ABR: variants seen among roughly 807,000 people sequenced by gnomAD.
The protein encoded by ABR is ABR activator of RhoGEF and GTPase.
ABR carries 35 observed loss-of-function variants against 107.2 expected under a neutral mutation model. The observed-to-expected ratio is 0.33, with a 90% CI of 0.25 to 0.43. The LOEUF is 0.43. Among genes scored for constraint, ABR ranks in the 20% least tolerant of loss-of-function variants. The pLI is 1.00. For synonymous variants in ABR, 498 were observed against 462.0 expected, an observed-to-expected ratio of 1.08 and a Z score of -1.00; for missense variants, 815 against 1,115.2, an observed-to-expected ratio of 0.73 and a Z score of 3.83.
At chr17:1,096,159 A>G (rs2037408184) in intron 3 of ABR, among the ~76,000 whole-genome samples, 1 of 152,162 alleles carries the variant, frequency 6.6e-6, no homozygotes, top group African/African-American at 2.4e-5. Context: ...ATCAGAGCCC[A>G]CCAGGAAGCA....
In ABR at chr17:1,010,790, G is replaced by A. The variant is rs370232881; in HGVS notation, c.2175C>T (p.Phe725=). The A allele has an allele frequency of 5.6e-6, 9 of 1,613,856 alleles. No individual in the cohort carries two copies. The highest frequency in any genetic ancestry group is 7.6e-6 in the Non-Finnish European group (9 of 1,180,016). The change falls in exon 20 of 23, where the codon TTC becomes TTT. Residue 725 remains phenylalanine (F), a synonymous_variant. Coordinates refer to ENST00000302538, the MANE Select transcript of ABR (RefSeq NM_021962.5). The surrounding 1 kb of genome is among the most constrained non-coding windows in gnomAD (Gnocchi z 4.1). The part of the protein sequence containing the change: ...NAIAGTLKLY[F]RELPEPLLTD... ...TGAGGAGCGGCTCGGGCAGTTCCCG[G>A]AAGTACAGCTTGAGCGTCCCGGCGA...
At chr17:1,030,305 G>A (rs1396612077) in intron 16 of ABR, among the ~76,000 whole-genome samples, 3 of 152,236 alleles carry the variant, frequency 2.0e-5, no homozygotes, top group South Asian at 2.1e-4. Flanking sequence ...TTTGGCTGGC[G>A]CTGGACCCGG....
Position 1,197,986 on chromosome 17 carries a change from C to T in ABR, c.838+30807G>A, listed in dbSNP as rs537788177. Among the ~76,000 whole-genome samples the T allele has an allele frequency of 7.2e-5, 11 of 151,852 alleles. 1 individual carries two copies. The highest frequency in any genetic ancestry group is 2.4e-4 in the African/African-American group (10 of 41,130). ...CAGGAACACTGCCGCTGCTGCTGCG[C>T]CCGGCTGGCCGCAGCCCCACGCTGT... On this transcript the variant is annotated intron_variant, in intron 1 of 22. Transcript: ENST00000574139.
chr17:1,070,224 G>A lies in ABR; in HGVS notation c.895-134C>T. On this transcript the variant is annotated intron_variant, in intron 8 of 22. Coordinates refer to ENST00000302538, the MANE Select transcript of ABR (RefSeq NM_021962.5). The surrounding 1 kb of genome is among the most constrained non-coding windows in gnomAD (Gnocchi z 4.2). ...ATAGCCTGTCATCCCTTAACCAAAG[G>A]TGGTTCAAGCACTGCCTTTGGAGTC... is the stretch of plus-strand genomic sequence containing the variant. 1 of 1,246,744 alleles carries A rather than the reference G, an allele frequency of 8.0e-7. No individual in the cohort carries two copies. Among genetic ancestry groups the A allele is most frequent in the Non-Finnish European group, 1.1e-6 (1 of 901,750 alleles). 77.2% of individuals were successfully genotyped at this position (1,246,744 alleles called of 1,614,324 possible).
rs1330693437 is a variant in ABR, at chr17:1,150,577, C to T, written c.62-25210G>A. Among the ~76,000 whole-genome samples the T allele has an allele frequency of 6.6e-6, 1 of 152,198 alleles. No homozygotes were observed. Among genetic ancestry groups the T allele is most frequent in the Non-Finnish European group, 1.5e-5 (1 of 68,026 alleles). ...CCGGGCATGGCAAGCGCACTGCCCC[C>T]TCTCACTCCTCCGGCGGCCGCCGTC... On this transcript the variant is annotated intron_variant, in intron 1 of 22. Transcript: ENST00000302538. The surrounding 1 kb of genome is among the most constrained non-coding windows in gnomAD (Gnocchi z 4.8).
chr17:1,123,245 T>C (rs2039431179), intron 2 of ABR, among the ~76,000 whole-genome samples: 1 of 152,106 alleles, frequency 6.6e-6, no homozygotes, highest in African/African-American at 2.4e-5. Flanking sequence ...GCTGGACAAG[T>C]GCTCCCTACT....
At chr17:1,012,171 G>T in intron 18 of ABR, 186 bp from the exon 19 acceptor site, 1 of 921,278 alleles carries the variant, frequency 1.1e-6, no homozygotes, top group East Asian at 2.6e-5. Context: ...CCCGAGGCCT[G>T]CCGAAGGGGC....
At chr17:1,228,559 C>A (rs1352657583) in intron 1 of ABR, among the ~76,000 whole-genome samples, 1 of 152,178 alleles carries the variant, frequency 6.6e-6, no homozygotes, top group Non-Finnish European at 1.5e-5. Flanking sequence ...GCCCTGCCGC[C>A]GCCGCCAGTT....
At position 1,171,596 on chromosome 17, in the gene ABR, A is replaced by G. The variant is rs148298188; in HGVS notation, c.61+8071T>C. 1.1e-3 allele frequency among the ~76,000 whole-genome samples: 167 copies of G among 152,268 alleles called. 4 individuals carry two copies. In the East Asian group the frequency reaches 0.028, roughly 26 times the overall value. On this transcript the variant is annotated intron_variant, in intron 1 of 22. Transcript: ENST00000302538. ...CGTGTGCCATGTCCACCTGTGACCTAGAGGCACACCAAGGCATCAGAGGTG... is the reference window on the plus strand; with the variant it reads ...CGTGTGCCATGTCCACCTGTGACCTGGAGGCACACCAAGGCATCAGAGGTG...
chr17:1,078,746 A>C lies in ABR; in HGVS notation c.700+584T>G. 6.7e-7 allele frequency: 1 copy of C among 1,491,868 alleles called. No homozygotes were observed. The allele number at this position is 1,491,868 out of a possible 1,614,324, so 92.4% of individuals were successfully genotyped here. A position where few individuals can be genotyped will look rare whatever the true frequency, so the allele number is the denominator to read the frequency against. Reference sequence around the variant, plus strand: ...CCCTCTAACCTCCCCGGCCACATCTAAGCCCACTCCAGCCGGCCCCCAGAG... The same window carrying C: ...CCCTCTAACCTCCCCGGCCACATCTCAGCCCACTCCAGCCGGCCCCCAGAG... On this transcript the variant is annotated intron_variant, in intron 6 of 22. Transcript: ENST00000302538. The surrounding 1 kb of genome is among the most constrained non-coding windows in gnomAD (Gnocchi z 7.5).
At chr17:1,135,578 CAA>C (rs1057201684) in intron 1 of ABR, among the ~76,000 whole-genome samples, 27 of 152,016 alleles carry the variant, frequency 1.8e-4, no homozygotes, top group African/African-American at 5.8e-4. Flanking sequence ...AAAGCTGCAT[CAA>C]AAGTCTTCAG....
chr17:1,191,239 G>A (rs967604263), upstream of ABR, among the ~76,000 whole-genome samples: 1 of 152,190 alleles, frequency 6.6e-6, no homozygotes, highest in South Asian at 2.1e-4. Flanking sequence ...CCCAGCAGAC[G>A]GCGGTTGGTC....
At chr17:1,188,591 C>T (rs2042366435), upstream of ABR, among the ~76,000 whole-genome samples, 1 of 151,754 alleles carries the variant, frequency 6.6e-6, no homozygotes, top group African/African-American at 2.4e-5. Flanking sequence ...GGGGTCGCTA[C>T]TAGCCTTCAG....
intron 10 of ABR, among the ~76,000 whole-genome samples, chr17:1,062,162 C>T (rs912830587): frequency 1.4e-5 from 2 of 139,926 alleles, no homozygotes; most frequent in African/African-American, 5.3e-5. Context: ...CACAGGGATG[C>T]TCCTCCCGTG....
intron 16 of ABR, among the ~76,000 whole-genome samples, chr17:1,045,998 G>A (rs1214814488): frequency 6.6e-6 from 1 of 152,076 alleles, no homozygotes; most frequent in East Asian, 1.9e-4. Flanking sequence ...AGCCTCCCAA[G>A]TAGCTGGGAT....
At chr17:1,172,116 G>A (rs990228042) in intron 1 of ABR, among the ~76,000 whole-genome samples, 14 of 152,212 alleles carry the variant, frequency 9.2e-5, no homozygotes, top group Non-Finnish European at 4.4e-5. Context: ...GGAGGACACA[G>A]GATAAAGCCT....
upstream of ABR, among the ~76,000 whole-genome samples, chr17:1,189,729 C>T (rs2042392152): frequency 6.6e-6 from 1 of 152,114 alleles, no homozygotes; most frequent in Non-Finnish European, 1.5e-5. Flanking sequence ...CTTTCCCGAC[C>T]CACCAGACCA....
At chr17:1,041,857 CA>C (rs1458006709) in intron 16 of ABR, among the ~76,000 whole-genome samples, 1 of 152,124 alleles carries the variant, frequency 6.6e-6, no homozygotes, top group African/African-American at 2.4e-5. Flanking sequence ...AACCACTGAC[CA>C]GGGGAGGAAA....
intron 9 of ABR, 66 bp downstream of exon 9, chr17:1,069,896 CGGACTCG>C: frequency 2.0e-6 from 1 of 489,194 alleles, no homozygotes; most frequent in South Asian, 3.6e-5. Context: ...TCCCCCGCCC[CGGACTCG>C]CACACTCACC....
Sources: gnomAD v4.1 joint callset for allele counts (sites outside exome capture counted in the v4.1 genomes callset) on GRCh38, gnomAD v4.1.1 for gene constraint, Gnocchi (gnomAD v3.1) non-coding constraint, MANE v1.5 for transcripts, NCBI Gene and HGNC (gene_info 2026-07-23, HGNC 2026-07-21) for gene names.